Variants in TMEM63A observed in about 807,000 individuals in gnomAD.
TMEM63A encodes mechanosensitive cation channel TMEM63A.
Under a neutral mutation model 100.6 loss-of-function variants are expected in TMEM63A, and 76 were observed. The observed-to-expected ratio is 0.76, with a 90% confidence interval of 0.63 to 0.91. TMEM63A has a LOEUF of 0.91. TMEM63A is among the 40% of genes least tolerant of loss of function. The pLI is 0.00. For synonymous variants in TMEM63A, 401 were observed against 401.1 expected (o/e 1.00, Z 0.00); for missense variants, 876 against 1,008.8 (o/e 0.87, Z 1.78).
In TMEM63A at chr1:225,862,643, C is replaced by T. The variant is rs770533697; in HGVS notation, c.828-65G>A. On this transcript the variant is annotated intron_variant, in intron 11 of 24. Transcript: ENST00000366835. The surrounding 1 kb of genome is among the most constrained non-coding windows in gnomAD (Gnocchi z 5.1). The stretch of plus-strand genomic sequence containing the variant: ...AATCCTGTGGCAGGGACCCCCATAC[C>T]CACAGTTCAACCATCGAACGCCAGG... The T allele has an allele frequency of 1.2e-5, 19 of 1,602,616 alleles. No individual in the cohort carries two copies. Among genetic ancestry groups the T allele is most frequent in the Non-Finnish European group, 1.5e-5 (18 of 1,172,906 alleles).
intron 13 of TMEM63A, 77 bp from the exon 14 acceptor site, chr1:225,861,074 T>G: frequency 2.7e-6 from 4 of 1,506,470 alleles, no homozygotes; most frequent in East Asian, 2.3e-5. Context: ...GGGGACTGAG[T>G]AGGAGTGGGA....
At chr1:225,854,887 G>A (rs1053805628) in intron 18 of TMEM63A, among the ~76,000 whole-genome samples, 118 of 152,336 alleles carry the variant, frequency 7.7e-4, no homozygotes, top group African/African-American at 2.7e-3. Flanking sequence ...AGGGTGACAA[G>A]AGGATGCTGC....
chr1:225,856,614 CT>C, intron 17 of TMEM63A, 37 bp downstream of exon 17: 2 of 1,606,174 alleles, frequency 1.2e-6, no homozygotes, highest in Non-Finnish European at 1.7e-6. Flanking sequence ...TGATGTGACT[CT>C]TATTCTGAAT....
intron 15 of TMEM63A, 82 bp from the exon 16 acceptor site, chr1:225,857,099 G>A (rs1277911885): frequency 1.6e-5 from 19 of 1,182,632 alleles, no homozygotes; most frequent in African/African-American, 4.7e-5. Context: ...TGGTATGGTC[G>A]CTCAGTGGAC....
chr1:225,874,256 G>C, intron 4 of TMEM63A, 32 bp downstream of exon 4: 1 of 1,601,920 alleles, frequency 6.2e-7, no homozygotes, highest in Non-Finnish European at 8.5e-7. Context: ...GTACGCACAC[G>C]CATGCTCACA....
At position 225,862,443 on chromosome 1, in the gene TMEM63A, T is replaced by C. The variant is rs746809561; in HGVS notation, c.951+12A>G. 7.3e-5 allele frequency: 118 copies of C among 1,613,488 alleles called. No homozygotes were observed. Among genetic ancestry groups the C allele is most frequent in the Non-Finnish European group, 9.9e-5 (117 of 1,179,804 alleles). On this transcript the variant is annotated intron_variant, in intron 12 of 24. Coordinates refer to ENST00000366835, the MANE Select transcript of TMEM63A (RefSeq NM_014698.3). This position sits in a 1 kb window ranked among gnomAD's most constrained non-coding sequence, Gnocchi z 5.1. ...AATGCCTCTGCTCCCAGCCGGGGGG[T>C]GGGACCCTTACCCACTCACAGCCCA...
In TMEM63A at chr1:225,880,489, G is replaced by T. The variant is rs1369878107; in HGVS notation, c.-205-1079C>A. ...CAGCTGTATAGAGGAGGCCAAACCA[G>T]CAGCTAGGCACTGTGGTTGAAGTGG... On this transcript the variant is annotated intron_variant, in intron 1 of 24. Transcript: ENST00000366835. 1.6e-4 allele frequency among the ~76,000 whole-genome samples: 24 copies of T among 152,104 alleles called. 1 individual carries two copies.
In TMEM63A at chr1:225,862,351, C is replaced by G; in HGVS notation, c.952G>C (p.Glu318Gln). Residue 318 changes from glutamate (E) to glutamine (Q), a missense_variant and splice_region_variant, in exon 13 of 25, where the codon GAA becomes CAA. This residue lies in a region of TMEM63A where 487 missense variants were observed against 581.9 expected (regional missense o/e 0.84). Transcript: ENST00000366835. The surrounding 1 kb of genome is among the most constrained non-coding windows in gnomAD (Gnocchi z 5.1). ...CCCEVLGCEW[E>Q]DAISYYTRMK... ...CGTGTGTAGTAAGAGATGGCGTCTT[C>G]CTGCCACAAGACACATCCCATTGGG... 6.2e-7 allele frequency: 1 copy of G among 1,614,204 alleles called. No homozygotes were observed. Among genetic ancestry groups the G allele is most frequent in the Non-Finnish European group, 8.5e-7 (1 of 1,180,042 alleles).
Position 225,852,679 on chromosome 1 carries a change from T to C in TMEM63A, c.1888A>G (p.Ile630Val). 1 of 1,613,140 alleles carries C rather than the reference T, an allele frequency of 6.2e-7. No homozygotes were observed. The highest frequency in any genetic ancestry group is 8.5e-7 in the Non-Finnish European group (1 of 1,180,006). Residue 630 changes from isoleucine (I) to valine (V), a missense_variant, in exon 20 of 25, where the codon ATC becomes GTC. Ile to Val is a conservative substitution (Grantham distance 29). Transcript: ENST00000366835. The stretch of plus-strand genomic sequence containing the variant: ...GGCCACTCACCAAATGGCGCGATGA[T>C]GGGACAAGTGATGCTGTAGGCCACG... ...VIVAYSITCPIIAPFGLIYIL... is the reference protein window; with the variant it reads ...VIVAYSITCPVIAPFGLIYIL...
chr1:225,843,758 C>G (rs1668643317), downstream of TMEM63A, among the ~76,000 whole-genome samples: 1 of 152,220 alleles, frequency 6.6e-6, no homozygotes, highest in African/African-American at 2.4e-5. Flanking sequence ...AAGCTGCGGG[C>G]AGAGCTGAAA....
At position 225,867,247 on chromosome 1, in the gene TMEM63A, C is replaced by T; in HGVS notation, c.515-84G>A. Reference sequence around the variant, plus strand: ...AACCAATCAGCCTTGGTTTGTGGAGCTCTGGGGAGGAGGAGCATGTCTGGA... The same window carrying T: ...AACCAATCAGCCTTGGTTTGTGGAGTTCTGGGGAGGAGGAGCATGTCTGGA... On this transcript the variant is annotated intron_variant, in intron 7 of 24. Coordinates refer to ENST00000366835, the MANE Select transcript of TMEM63A (RefSeq NM_014698.3). This position sits in a 1 kb window ranked among gnomAD's most constrained non-coding sequence, Gnocchi z 4.6. 7.2e-7 allele frequency: 1 copy of T among 1,391,846 alleles called. No individual in the cohort carries two copies. The highest frequency in any genetic ancestry group is 1.0e-6 in the Non-Finnish European group (1 of 978,512). The allele number at this position is 1,391,846 out of a possible 1,614,324, so 86.2% of individuals were successfully genotyped here.
chr1:225,847,242 T>C (rs2102806048), intron 23 of TMEM63A, 29 bp from the exon 24 acceptor site: 3 of 1,605,128 alleles, frequency 1.9e-6, no homozygotes, highest in East Asian at 2.2e-5. Flanking sequence ...GTGCTTGGCC[T>C]GGACAGGCAT....
chr1:225,848,705 T>C, intron 22 of TMEM63A, 151 bp from the exon 23 acceptor site: 1 of 921,044 alleles, frequency 1.1e-6, no homozygotes. Context: ...GGTGGGGGAG[T>C]GCAGGGATGA....
At chr1:225,858,487 G>A (rs1450122865) in intron 15 of TMEM63A, among the ~76,000 whole-genome samples, 1 of 151,946 alleles carries the variant, frequency 6.6e-6, no homozygotes, top group Non-Finnish European at 1.5e-5. Context: ...AACACGCCCA[G>A]CTAATTTTTG....
At position 225,853,648 on chromosome 1, in the gene TMEM63A, T is replaced by C. The variant is rs1282681775; in HGVS notation, c.1778A>G (p.Asp593Gly). ...FRMIMAKTAA[D>G]RRNVKQNQAF... ...TGGCACCTGCTTGACATTCCTGCGG[T>C]CAGCAGCCGTCTTGGCCATGATCAT... The change falls in exon 19 of 25, where the codon GAC becomes GGC. Residue 593 changes from aspartate (D) to glycine (G), a missense_variant. Coordinates refer to ENST00000366835, the MANE Select transcript of TMEM63A (RefSeq NM_014698.3). This position sits in a 1 kb window ranked among gnomAD's most constrained non-coding sequence, Gnocchi z 4.0. 6.4e-7 allele frequency: 1 copy of C among 1,569,060 alleles called. No individual in the cohort carries two copies. Among genetic ancestry groups the C allele is most frequent in the East Asian group, 2.3e-5 (1 of 43,030 alleles).
rs374963238 is a variant in TMEM63A at position 225,866,596 on chromosome 1, A to C, written c.653T>G (p.Ile218Ser). ...VGFMRHHTQS[I>S]KYKEENLVRR... Reference sequence around the variant, plus strand: ...CACCAGGTTCTCCTCTTTGTACTTAATGGACTGAGTGTGGTGCCGCATGAA... The same window carrying C: ...CACCAGGTTCTCCTCTTTGTACTTACTGGACTGAGTGTGGTGCCGCATGAA... The change falls in exon 9 of 25, where the codon ATT becomes AGT. Residue 218 changes from isoleucine (I) to serine (S), a missense_variant. This residue lies in a region of TMEM63A where 487 missense variants were observed against 581.9 expected (regional missense o/e 0.84). Coordinates refer to ENST00000366835, the MANE Select transcript of TMEM63A (RefSeq NM_014698.3). 6 of 1,613,766 alleles carry C rather than the reference A, an allele frequency of 3.7e-6. No homozygotes were observed. The highest frequency in any genetic ancestry group is 1.6e-4 in the Middle Eastern group (1 of 6,080).
At chr1:225,861,618 GA>G (rs1669941426) in intron 13 of TMEM63A, 1 of 156,130 alleles carries the variant, frequency 6.4e-6, no homozygotes, top group African/African-American at 2.4e-5. Flanking sequence ...GCAGTGGCTG[GA>G]CACCTTTCCA....
intron 3 of TMEM63A, among the ~76,000 whole-genome samples, chr1:225,875,564 G>A (rs1176286854): frequency 1.3e-5 from 2 of 152,212 alleles, no homozygotes; most frequent in Admixed American, 6.5e-5. Flanking sequence ...AGGTGAATCA[G>A]GAAGTTGGTG....
intron 2 of TMEM63A, 50 bp from the exon 3 acceptor site, chr1:225,877,644 T>C: frequency 6.5e-7 from 1 of 1,531,386 alleles, no homozygotes; most frequent in Non-Finnish European, 8.8e-7. Flanking sequence ...CTCAAATTTC[T>C]TGCAGGTTCC....
Sources: allele counts gnomAD v4.1 joint callset (sites outside exome capture counted in the v4.1 genomes callset), GRCh38; gene constraint gnomAD v4.1.1; regional missense constraint gnomAD v4.1.1; non-coding constraint Gnocchi (gnomAD v3.1); transcripts MANE v1.5; gene names NCBI Gene and HGNC (gene_info 2026-07-23, HGNC 2026-07-21).